The following AKAP19 variants were observed in gnomAD, a reference collection of about 807,000 sequenced individuals.
The protein encoded by AKAP19 is A-kinase anchoring protein 19, also known as small A-kinase anchoring protein.
At chr2:189,882,697 A>T in the AKAP19 span, among the ~76,000 whole-genome samples, 1 of 152,112 alleles carries the variant, frequency 6.6e-6, no homozygotes, top group Non-Finnish European at 1.5e-5. Context: ...CCGTGAGGAT[A>T]AGCTATCAGT....
At chr2:189,934,709 A>G in the AKAP19 span, among the ~76,000 whole-genome samples, 1 of 151,386 alleles carries the variant, frequency 6.6e-6, no homozygotes, top group Admixed American at 6.6e-5. Context: ...AATTAATACT[A>G]TCTTGTTTTT....
the AKAP19 span, among the ~76,000 whole-genome samples, chr2:190,179,668 A>G: frequency 6.6e-6 from 1 of 152,274 alleles, no homozygotes; most frequent in South Asian, 2.1e-4. This position sits in a 1 kb window ranked among gnomAD's most constrained non-coding sequence, Gnocchi z 6.0. Flanking sequence ...CTCTTCTGCA[A>G]TCTAGGTTTA....
the AKAP19 span, among the ~76,000 whole-genome samples, chr2:190,065,444 A>G: frequency 6.6e-6 from 1 of 152,176 alleles, no homozygotes; most frequent in Non-Finnish European, 1.5e-5. Context: ...TTAAGATGCT[A>G]AATGTTGTGT....
chr2:190,200,473 A>T, the AKAP19 span: 1 of 218,386 alleles, frequency 4.6e-6, no homozygotes. Flanking sequence ...ACTGCCCCAA[A>T]TTCCAATGGT....
chr2:190,193,368 G>T, the AKAP19 span, among the ~76,000 whole-genome samples: 2 of 152,020 alleles, frequency 1.3e-5, no homozygotes, highest in Admixed American at 6.6e-5. Flanking sequence ...GTTCATGAGG[G>T]ATATTGGCCT....
chr2:190,129,556 A>C, the AKAP19 span, among the ~76,000 whole-genome samples: 1 of 151,770 alleles, frequency 6.6e-6, no homozygotes. Flanking sequence ...ATACTGAAAA[A>C]TGAAAGTATT....
At chr2:190,024,395 T>TATAC in the AKAP19 span, among the ~76,000 whole-genome samples, 6 of 145,942 alleles carry the variant, frequency 4.1e-5, no homozygotes, top group Non-Finnish European at 1.5e-5. Context: ...TATATATATA[T>TATAC]ACATATATAT....
the AKAP19 span, among the ~76,000 whole-genome samples, chr2:190,057,944 G>A: frequency 6.6e-6 from 1 of 151,972 alleles, no homozygotes; most frequent in Non-Finnish European, 1.5e-5. Flanking sequence ...ATATTTATGG[G>A]AAGAAAGGGA....
the AKAP19 span, chr2:189,924,137 A>G: frequency 6.2e-7 from 1 of 1,611,942 alleles, no homozygotes; most frequent in Non-Finnish European, 8.5e-7. Context: ...GACCAGCTGG[A>G]GTTGATCAAG....
the AKAP19 span, among the ~76,000 whole-genome samples, chr2:189,973,616 G>T: frequency 6.6e-6 from 1 of 152,088 alleles, no homozygotes; most frequent in Non-Finnish European, 1.5e-5. Flanking sequence ...TCTGGTCCTG[G>T]ACTTTTTTTG....
chr2:189,990,837 G>A, the AKAP19 span, among the ~76,000 whole-genome samples: 11 of 152,134 alleles, frequency 7.2e-5, no homozygotes, highest in Non-Finnish European at 1.5e-4. Context: ...TACTCAATGT[G>A]TAGTTTTTGA....
chr2:190,072,603 T>G, the AKAP19 span, among the ~76,000 whole-genome samples: 1 of 152,204 alleles, frequency 6.6e-6, no homozygotes, highest in Non-Finnish European at 1.5e-5. Flanking sequence ...AAACATTTAC[T>G]AAATTGACAA....
chr2:189,940,594 A>C, the AKAP19 span, among the ~76,000 whole-genome samples: 1 of 152,156 alleles, frequency 6.6e-6, no homozygotes, highest in Admixed American at 6.6e-5. Context: ...TTTCAAAAAA[A>C]AACACTCACA....
chr2:189,933,896 T>C, the AKAP19 span, among the ~76,000 whole-genome samples: 3 of 152,142 alleles, frequency 2.0e-5, no homozygotes, highest in Non-Finnish European at 4.4e-5. Flanking sequence ...GACAGCCTTT[T>C]CTCAGCTAAA....
chr2:190,111,104 GC>G, the AKAP19 span, among the ~76,000 whole-genome samples: 3 of 152,200 alleles, frequency 2.0e-5, no homozygotes, highest in South Asian at 2.1e-4. Flanking sequence ...AGAGCACAGA[GC>G]CCCCCCAGAG....
chr2:190,193,013 T>TA, the AKAP19 span, among the ~76,000 whole-genome samples: 24 of 152,114 alleles, frequency 1.6e-4, no homozygotes, highest in Admixed American at 1.3e-3. Flanking sequence ...CCCTTCCTCA[T>TA]ACTCAGTGGG....
the AKAP19 span, among the ~76,000 whole-genome samples, chr2:190,035,571 A>C: frequency 6.6e-6 from 1 of 152,008 alleles, no homozygotes; most frequent in East Asian, 1.9e-4. Context: ...TAGCCCCCTC[A>C]TGCCACTTTG....
chr2:189,945,688 T>C, the AKAP19 span, among the ~76,000 whole-genome samples: 4 of 152,348 alleles, frequency 2.6e-5, no homozygotes, highest in East Asian at 1.9e-4. Context: ...TTGTAAATTA[T>C]AGATTGGCAT....
chr2:190,082,288 A>T, the AKAP19 span, among the ~76,000 whole-genome samples: 193 of 152,302 alleles, frequency 1.3e-3, no homozygotes, highest in African/African-American at 4.2e-3. Context: ...TGGCCACCCC[A>T]TTCAGCATAA....
Sources: gnomAD v4.1 joint callset for allele counts (sites outside exome capture counted in the v4.1 genomes callset) on GRCh38, gnomAD v4.1.1 for gene constraint, Gnocchi (gnomAD v3.1) non-coding constraint, MANE v1.5 for transcripts, NCBI Gene and HGNC (gene_info 2026-07-23, HGNC 2026-07-21) for gene names.